The following ZNF496 variants were observed in gnomAD, a reference collection of about 807,000 sequenced individuals.
ZNF496 encodes NSD1 (nuclear receptor binding SET-domain containing 1)-interacting zinc finger protein 1.
A neutral mutation model predicts 58.9 loss-of-function variants in ZNF496; 11 were observed. The observed-to-expected ratio is 0.19, with a 90% confidence interval of 0.12 to 0.31. The LOEUF (loss-of-function observed/expected upper bound fraction) is 0.31, where lower values mean the gene tolerates loss of function less well. Among genes scored for constraint, ZNF496 ranks in the 10% least tolerant of loss-of-function variants. The pLI is 1.00. For missense variants in ZNF496, 660 were observed against 783.0 expected (o/e 0.84, Z 1.88); for synonymous variants, 338 against 318.2 (o/e 1.06, Z -0.66).
At position 247,321,116 on chromosome 1, in the gene ZNF496, C is replaced by T. The variant is rs189623593; in HGVS notation, c.651+2038G>A. On this transcript the variant is annotated intron_variant, in intron 6 of 9. Coordinates refer to ENST00000682384, the MANE Select transcript of ZNF496 (RefSeq NM_032752.3). ...GCTTGAACCCGGGATGCGGAGGTTG[C>T]GATGAGCCGAGATCGAGCCACTACA... 2.6e-3 allele frequency among the ~76,000 whole-genome samples: 395 copies of T among 151,508 alleles called. 2 individuals are homozygous for T. Among genetic ancestry groups the T allele is most frequent in the African/African-American group, 9.0e-3 (370 of 41,306 alleles).
At chr1:247,304,572 A>G (rs1659349095) in intron 9 of ZNF496, among the ~76,000 whole-genome samples, 1 of 151,866 alleles carries the variant, frequency 6.6e-6, no homozygotes, top group African/African-American at 2.4e-5. Context: ...GGGTTTCCCC[A>G]TTTTTGCCAG....
rs527869314 is a variant in ZNF496 at position 247,306,198 on chromosome 1, C to CT, written c.1006+2276dup. ...GAAGCCTGACAGCCTGAGTTCAAAT[C>CT]TTTTTTTTTTTTTTTAAGATGGAGT... On this transcript the variant is annotated intron_variant, in intron 9 of 9. Transcript: ENST00000682384. Among the ~76,000 whole-genome samples, 412 of 142,018 alleles carry CT rather than the reference C, an allele frequency of 2.9e-3. 2 individuals carry two copies. The highest frequency in any genetic ancestry group is 4.0e-3 in the African/African-American group (154 of 38,764). The allele number at this position is 142,018 out of a possible 152,430, so 93.2% of individuals were successfully genotyped here. A position where few individuals can be genotyped will look rare whatever the true frequency, so the allele number is the denominator to read the frequency against.
rs1660251404 is a variant in ZNF496, at chr1:247,329,594, G to T, written c.-16C>A. 6.5e-7 allele frequency: 1 copy of T among 1,532,318 alleles called. No individual in the cohort carries two copies. The highest frequency in any genetic ancestry group is 8.7e-7 in the Non-Finnish European group (1 of 1,144,756). The allele number at this position is 1,532,318 out of a possible 1,614,324, so 94.9% of individuals were successfully genotyped here. On this transcript the variant is annotated 5_prime_UTR_variant, in exon 4 of 10. Transcript: ENST00000682384. The surrounding 1 kb of genome is among the most constrained non-coding windows in gnomAD (Gnocchi z 5.5). ...CTGTGGGCATGATGGGATTTGATGG[G>T]GGTCAGCAGCAGAAGACGACCCTAT...
At chr1:247,322,493 C>A (rs1444251463) in intron 6 of ZNF496, among the ~76,000 whole-genome samples, 1 of 152,100 alleles carries the variant, frequency 6.6e-6, no homozygotes, top group Non-Finnish European at 1.5e-5. Context: ...CTTGTGCCAG[C>A]CAGTGGAAAG....
rs74163749 is a variant in ZNF496 at position 247,317,570 on chromosome 1, G to GC, written c.651+5583dup. ...CTCCATCCCTGCTAGCTAAGAACAA[G>GC]CCCCCCCCCCGCCACCAGTGGAGAC... On this transcript the variant is annotated intron_variant, in intron 6 of 9. Coordinates refer to ENST00000682384, the MANE Select transcript of ZNF496 (RefSeq NM_032752.3). 7.6e-3 allele frequency among the ~76,000 whole-genome samples: 1,149 copies of GC among 150,456 alleles called. 20 individuals carry two copies. Among genetic ancestry groups the GC allele is most frequent in the African/African-American group, 0.027 (1,101 of 40,340 alleles).
At chr1:247,306,014 A>C (rs2103017922) in intron 9 of ZNF496, among the ~76,000 whole-genome samples, 1 of 152,352 alleles carries the variant, frequency 6.6e-6, no homozygotes, top group Non-Finnish European at 1.5e-5. Context: ...CAGCAGAGGC[A>C]AGGGATTCAG....
chr1:247,306,540 G>A (rs1014373173), intron 9 of ZNF496, among the ~76,000 whole-genome samples: 12 of 143,236 alleles, frequency 8.4e-5, no homozygotes, highest in African/African-American at 3.1e-4. Context: ...ACAGACTCTC[G>A]CTCTGTTGTC....
Position 247,308,350 on chromosome 1 carries a change from CAT to C in ZNF496, c.1006+123_1006+124del, listed in dbSNP as rs1438609131. 4.4e-5 allele frequency: 38 copies of C among 861,958 alleles called. No individual in the cohort carries two copies. Among genetic ancestry groups the C allele is most frequent in the East Asian group, 2.9e-4 (12 of 40,746 alleles). The allele number at this position is 861,958 out of a possible 1,614,324, so 53.4% of individuals were successfully genotyped here. On this transcript the variant is annotated intron_variant, in intron 9 of 9. Coordinates refer to ENST00000682384, the MANE Select transcript of ZNF496 (RefSeq NM_032752.3). The surrounding 1 kb of genome is among the most constrained non-coding windows in gnomAD (Gnocchi z 4.5). ...CACATGCAGCACACCACATATACCA[CAT>C]GTGTATGCACGCACACATGCATTCA...
chr1:247,304,467 G>A (rs1306929080), intron 9 of ZNF496, among the ~76,000 whole-genome samples: 6 of 151,298 alleles, frequency 4.0e-5, no homozygotes, highest in Non-Finnish European at 8.8e-5. Context: ...TGCCTCCTGG[G>A]TTCAAGCAAT....
chr1:247,318,808 G>T (rs1659866428), intron 6 of ZNF496, among the ~76,000 whole-genome samples: 2 of 152,146 alleles, frequency 1.3e-5, no homozygotes, highest in Non-Finnish European at 2.9e-5. Context: ...CACAATATGG[G>T]TAATAAATAG....
chr1:247,325,661 G>A (rs571870695), intron 5 of ZNF496, among the ~76,000 whole-genome samples: 30 of 152,056 alleles, frequency 2.0e-4, no homozygotes, highest in Non-Finnish European at 3.8e-4. Context: ...TCTCCCAGAG[G>A]GGGTGTTTTA....
intron 5 of ZNF496, among the ~76,000 whole-genome samples, chr1:247,328,264 G>A (rs1456459391): frequency 6.6e-6 from 1 of 152,114 alleles, no homozygotes; most frequent in African/African-American, 2.4e-5. Context: ...CAATACTCCT[G>A]TAAACAGGAG....
Position 247,300,945 on chromosome 1 carries a change from G to A in ZNF496, c.1338C>T (p.Asp446=). The change falls in exon 10 of 10, where the codon GAC becomes GAT. Residue 446 remains aspartate (D), a synonymous_variant. Transcript: ENST00000682384. The surrounding 1 kb of genome is among the most constrained non-coding windows in gnomAD (Gnocchi z 5.7). ...CTAGGTGCCCATCCAGGTCCTCGCTGTCGCTGAACAGCTCCCCGCACACCG... is the reference window on the plus strand; with the variant it reads ...CTAGGTGCCCATCCAGGTCCTCGCTATCGCTGAACAGCTCCCCGCACACCG... ...ECSVCGELFS[D]SEDLDGHLES... 6.2e-7 allele frequency: 1 copy of A among 1,613,954 alleles called. No individual in the cohort carries two copies. Among genetic ancestry groups the A allele is most frequent in the Non-Finnish European group, 8.5e-7 (1 of 1,180,006 alleles).
In ZNF496 at chr1:247,310,466, CAGG is replaced by C; in HGVS notation, c.652-13_652-11del. On this transcript the variant is annotated splice_polypyrimidine_tract_variant and intron_variant, in intron 6 of 9. Coordinates refer to ENST00000682384, the MANE Select transcript of ZNF496 (RefSeq NM_032752.3). ...ATGGAGAAACCCGACTCTGAAAGCA[CAGG>C]AGAACAGGGATGCCTCAGTCCGGGA... 8 of 1,614,030 alleles carry C rather than the reference CAGG, an allele frequency of 5.0e-6. No homozygotes were observed. Among genetic ancestry groups the C allele is most frequent in the South Asian group, 3.3e-5 (3 of 91,076 alleles).
intron 9 of ZNF496, among the ~76,000 whole-genome samples, chr1:247,301,570 C>T (rs1280027012): frequency 2.0e-5 from 3 of 152,154 alleles, no homozygotes; most frequent in Non-Finnish European, 4.4e-5. Context: ...CCCACGGAGA[C>T]CACCCCATCC....
At chr1:247,316,741 G>A (rs1184237851) in intron 6 of ZNF496, among the ~76,000 whole-genome samples, 3 of 152,150 alleles carry the variant, frequency 2.0e-5, no homozygotes, top group Non-Finnish European at 2.9e-5. Flanking sequence ...AAGTCCAAGG[G>A]CCAGGTGGGT....
intron 9 of ZNF496, chr1:247,307,822 A>T: frequency 1.0e-6 from 1 of 985,408 alleles, no homozygotes. Context: ...TTTTGTATTG[A>T]GAAGAGAAAG....
Position 247,309,329 on chromosome 1 carries a change from C to T in ZNF496, c.892+370G>A. On this transcript the variant is annotated intron_variant, in intron 8 of 9. Coordinates refer to ENST00000682384, the MANE Select transcript of ZNF496 (RefSeq NM_032752.3). The surrounding 1 kb of genome is among the most constrained non-coding windows in gnomAD (Gnocchi z 4.3). ...AGGTGAGGCACCTCAAAGGGCTGCGCTCGGTGCCCAGTTAGGAGACACTCC... is the reference window on the plus strand; with the variant it reads ...AGGTGAGGCACCTCAAAGGGCTGCGTTCGGTGCCCAGTTAGGAGACACTCC... 3.9e-6 allele frequency: 4 copies of T among 1,026,162 alleles called. No homozygotes were observed. Among genetic ancestry groups the T allele is most frequent in the Non-Finnish European group, 4.8e-6 (4 of 841,710 alleles). 63.6% of individuals were successfully genotyped at this position (1,026,162 alleles called of 1,614,324 possible).
rs775253688 is a variant in ZNF496 at position 247,300,933 on chromosome 1, C to T, written c.1350G>A (p.Leu450=). 1 of 1,613,678 alleles carries T rather than the reference C, an allele frequency of 6.2e-7. No individual in the cohort carries two copies. Among genetic ancestry groups the T allele is most frequent in the Non-Finnish European group, 8.5e-7 (1 of 1,179,890 alleles). The change falls in exon 10 of 10, where the codon CTG becomes CTA. Residue 450 remains leucine, a synonymous_variant. Transcript: ENST00000682384. The surrounding 1 kb of genome is among the most constrained non-coding windows in gnomAD (Gnocchi z 5.7). The stretch of plus-strand genomic sequence containing the variant: ...CCTCGTGGCTCTCTAGGTGCCCATC[C>T]AGGTCCTCGCTGTCGCTGAACAGCT... The part of the protein sequence containing the change: ...CGELFSDSED[L]DGHLESHEAQ...
Sources: gnomAD v4.1 joint callset for allele counts (sites outside exome capture counted in the v4.1 genomes callset) on GRCh38, gnomAD v4.1.1 for gene constraint, Gnocchi (gnomAD v3.1) non-coding constraint, MANE v1.5 for transcripts, NCBI Gene and HGNC (gene_info 2026-07-23, HGNC 2026-07-21) for gene names.